Variants in NIBAN1 observed in about 807,000 individuals in gnomAD.
NIBAN1 encodes niban apoptosis regulator 1, also known as protein Niban 1.
In NIBAN1, 81 loss-of-function variants were observed where a neutral mutation model predicts 75.1. The ratio of observed to expected loss-of-function variants is 1.08; its 90% CI spans 0.90 to 1.30. The LOEUF is 1.30. Ranked by LOEUF, NIBAN1 falls within the 50% of genes most tolerant of loss-of-function variation. The pLI is 0.00. For synonymous variants in NIBAN1, 436 were observed against 424.8 expected (o/e 1.03, Z -0.32); for missense variants, 1,133 against 1,128.1 (o/e 1.00, Z -0.06).
intron 3 of NIBAN1, among the ~76,000 whole-genome samples, chr1:184,891,081 T>C (rs545921607): frequency 6.6e-6 from 1 of 152,338 alleles, no homozygotes; most frequent in Non-Finnish European, 1.5e-5. Flanking sequence ...CTGACCAACA[T>C]AATCAGAGTA....
intron 1 of NIBAN1, among the ~76,000 whole-genome samples, chr1:184,913,773 A>G (rs1657309274): frequency 6.6e-6 from 1 of 152,222 alleles, no homozygotes; most frequent in Admixed American, 6.5e-5. Context: ...CATAAGAGCA[A>G]CTGTTATTTC....
At chr1:184,810,749 G>A (rs1363237377) in intron 9 of NIBAN1, among the ~76,000 whole-genome samples, 3 of 152,134 alleles carry the variant, frequency 2.0e-5, no homozygotes, top group Non-Finnish European at 4.4e-5. Context: ...AGGCACCCCC[G>A]GAGAATTTGT....
At chr1:184,796,259 T>C (rs576776975) in intron 13 of NIBAN1, among the ~76,000 whole-genome samples, 162 bp from the exon 14 acceptor site, 1 of 152,362 alleles carries the variant, frequency 6.6e-6, no homozygotes, top group South Asian at 2.1e-4. Flanking sequence ...TTCCAAACTC[T>C]GAGCCTCTGT....
intron 1 of NIBAN1, among the ~76,000 whole-genome samples, chr1:184,914,362 G>C (rs1657325970): frequency 6.6e-6 from 1 of 152,134 alleles, no homozygotes; most frequent in Non-Finnish European, 1.5e-5. Flanking sequence ...TTCCAAGAAA[G>C]GTTATTACTC....
chr1:184,886,676 G>A lies in NIBAN1; in HGVS notation c.434-1876C>T, dbSNP rs1656534533. Among the ~76,000 whole-genome samples the A allele has an allele frequency of 3.9e-5, 6 of 152,228 alleles. No homozygotes were observed. The South Asian group carries it at 1.2e-3, about 32-fold the overall frequency. ...TTTCCAGAGTCACAGAAAATAAGCAGAAGAAAATGTTAGTTCTGTGCTTCC... is the reference window on the plus strand; with the variant it reads ...TTTCCAGAGTCACAGAAAATAAGCAAAAGAAAATGTTAGTTCTGTGCTTCC... On this transcript the variant is annotated intron_variant, in intron 4 of 13. Transcript: ENST00000367511.
At chr1:184,937,178 G>T (rs907595038) in intron 1 of NIBAN1, among the ~76,000 whole-genome samples, 5 of 133,204 alleles carry the variant, frequency 3.8e-5, no homozygotes, top group East Asian at 2.1e-4. Context: ...TGAGAGACAG[G>T]TTCTTGCTAT....
Position 184,795,110 on chromosome 1 carries a change from A to G in NIBAN1, c.2654T>C (p.Val885Ala). Residue 885 changes from valine to alanine, a missense_variant, in exon 14 of 14, where the codon GTA (valine) becomes GCA (alanine). Physicochemically the swap from Val to Ala is moderately conservative, Grantham distance 64. Coordinates refer to ENST00000367511, the MANE Select transcript of NIBAN1 (RefSeq NM_052966.4). ...CCACTGACACTCATGAATACGGGCTACCTTGATCTCCTCTGCATTCACACT... is the reference window on the plus strand; with the variant it reads ...CCACTGACACTCATGAATACGGGCTGCCTTGATCTCCTCTGCATTCACACT... The part of the protein sequence containing the change: ...TASVNAEEIK[V>A]ARIHECQWVV... The G allele has an allele frequency of 2.5e-6, 4 of 1,614,102 alleles. No homozygotes were observed. Among genetic ancestry groups the G allele is most frequent in the Non-Finnish European group, 2.5e-6 (3 of 1,180,028 alleles).
intron 1 of NIBAN1, among the ~76,000 whole-genome samples, chr1:184,908,300 A>G (rs1202537503): frequency 1.3e-5 from 2 of 152,236 alleles, no homozygotes; most frequent in Non-Finnish European, 2.9e-5. Context: ...ATCAGCTCCA[A>G]TGGGTAAGCA....
chr1:184,917,969 C>T (rs1463926309), intron 1 of NIBAN1, among the ~76,000 whole-genome samples: 1 of 152,160 alleles, frequency 6.6e-6, no homozygotes, highest in African/African-American at 2.4e-5. Flanking sequence ...AAACGCAACC[C>T]CACTGAACTG....
intron 5 of NIBAN1, among the ~76,000 whole-genome samples, chr1:184,838,021 G>A (rs1029885103): frequency 5.3e-5 from 8 of 152,006 alleles, no homozygotes; most frequent in Non-Finnish European, 8.8e-5. Context: ...GGTATTGTCC[G>A]ACTGGTGCAA....
intron 3 of NIBAN1, among the ~76,000 whole-genome samples, chr1:184,892,880 T>C (rs1656706637): frequency 6.6e-6 from 1 of 152,166 alleles, no homozygotes; most frequent in South Asian, 2.1e-4. Context: ...CAAGTGATTC[T>C]CCTGCCTCAC....
intron 1 of NIBAN1, among the ~76,000 whole-genome samples, chr1:184,949,534 G>A (rs1254908528): frequency 6.6e-6 from 1 of 152,156 alleles, no homozygotes; most frequent in Non-Finnish European, 1.5e-5. Context: ...AAGGAACTGA[G>A]GCTCAGTTAT....
At chr1:184,852,404 T>C (rs1258044226) in intron 5 of NIBAN1, among the ~76,000 whole-genome samples, 1 of 152,182 alleles carries the variant, frequency 6.6e-6, no homozygotes, top group Non-Finnish European at 1.5e-5. Flanking sequence ...CACACCCAGA[T>C]GGACTGGTGC....
intron 1 of NIBAN1, among the ~76,000 whole-genome samples, chr1:184,968,339 A>G (rs950110464): frequency 4.6e-5 from 7 of 152,264 alleles, no homozygotes; most frequent in African/African-American, 1.7e-4. Context: ...CAAAGGAAAT[A>G]GAAAGTAATT....
chr1:184,871,464 G>C (rs764277755), intron 5 of NIBAN1, among the ~76,000 whole-genome samples: 2 of 151,690 alleles, frequency 1.3e-5, no homozygotes, highest in Admixed American at 6.6e-5. Flanking sequence ...AAGCCAAGGA[G>C]AGAAGCCTGG....
chr1:184,797,921 C>T (rs1449059492), intron 13 of NIBAN1, among the ~76,000 whole-genome samples, 158 bp downstream of exon 13: 5 of 152,080 alleles, frequency 3.3e-5, no homozygotes, highest in African/African-American at 1.2e-4. Flanking sequence ...AGGTTAGTAT[C>T]CTTCCTTCTT....
chr1:184,911,575 G>T (rs1385928580), intron 1 of NIBAN1, among the ~76,000 whole-genome samples: 1 of 152,072 alleles, frequency 6.6e-6, no homozygotes, highest in East Asian at 1.9e-4. Flanking sequence ...ATACCATAAG[G>T]CTCCCTGGGA....
chr1:184,855,655 G>A (rs495807), intron 5 of NIBAN1, among the ~76,000 whole-genome samples: 62,969 of 151,852 alleles, frequency 0.41, 13,379 homozygotes, highest in South Asian at 0.54. Flanking sequence ...GCTACATTCT[G>A]TCATGCTACA....
chr1:184,961,054 G>GTTAT, intron 1 of NIBAN1, among the ~76,000 whole-genome samples: 1 of 91,338 alleles, frequency 1.1e-5, no homozygotes, highest in African/African-American at 5.2e-5. Context: ...TCTATATGCC[G>GTTAT]TTCTTTTTTT....
Sources: gnomAD v4.1 joint callset for allele counts (sites outside exome capture counted in the v4.1 genomes callset) on GRCh38, gnomAD v4.1.1 for gene constraint, MANE v1.5 for transcripts, NCBI Gene and HGNC (gene_info 2026-07-23, HGNC 2026-07-21) for gene names.